The following ATRNL1 variants were observed in gnomAD, a reference collection of about 807,000 sequenced individuals.
The protein encoded by ATRNL1 is attractin-like protein 1.
In ATRNL1, 95 loss-of-function variants were observed where a neutral mutation model predicts 182.7. The ratio of observed to expected loss-of-function variants is 0.52; its 90% CI spans 0.44 to 0.62. The LOEUF is 0.62. Among genes scored for constraint, ATRNL1 ranks in the 20% least tolerant of loss-of-function variants. The pLI is 0.00. For synonymous variants in ATRNL1, 576 were observed against 568.3 expected, an observed-to-expected ratio of 1.01 and a Z score of -0.19; for missense variants, 1,471 against 1,679.5, an observed-to-expected ratio of 0.88 and a Z score of 2.17.
intron 19 of ATRNL1, among the ~76,000 whole-genome samples, chr10:115,389,303 G>A (rs947857807): frequency 3.0e-4 from 45 of 151,542 alleles, no homozygotes; most frequent in African/African-American, 9.7e-4. Context: ...TCAGAAGTTC[G>A]AGACCAGCCT....
At chr10:115,300,001 T>G in intron 15 of ATRNL1, 33 bp from the exon 16 acceptor site, 1 of 1,514,154 alleles carries the variant, frequency 6.6e-7, no homozygotes, top group Non-Finnish European at 9.1e-7. Context: ...ACATCTAACT[T>G]TCTTTGAATG....
intron 8 of ATRNL1, among the ~76,000 whole-genome samples, chr10:115,191,742 TCCTTCC>T (rs1222736964): frequency 7.9e-5 from 12 of 152,006 alleles, no homozygotes; most frequent in African/African-American, 1.9e-4. Flanking sequence ...GAAGGTGCCT[TCCTTCC>T]CCTTCCCCTT....
chr10:115,606,517 T>G (rs1420476958), intron 26 of ATRNL1, among the ~76,000 whole-genome samples: 3 of 152,062 alleles, frequency 2.0e-5, no homozygotes, highest in Non-Finnish European at 4.4e-5. Context: ...CAGTGCTTTT[T>G]GGGAAAATTT....
chr10:115,540,721 C>T (rs899502564), intron 25 of ATRNL1, among the ~76,000 whole-genome samples: 1 of 148,592 alleles, frequency 6.7e-6, no homozygotes, highest in African/African-American at 2.5e-5. Flanking sequence ...CATGCCATTG[C>T]ACTCCAGCCT....
chr10:115,203,061 G>C (rs1207396615), intron 8 of ATRNL1, among the ~76,000 whole-genome samples: 1 of 152,120 alleles, frequency 6.6e-6, no homozygotes, highest in Non-Finnish European at 1.5e-5. Flanking sequence ...TTGTATTTCT[G>C]TGGGATCGTT....
chr10:115,536,920 A>G (rs1277296474), intron 25 of ATRNL1, among the ~76,000 whole-genome samples: 2 of 152,234 alleles, frequency 1.3e-5, no homozygotes, highest in East Asian at 1.9e-4. Context: ...AAAGTTTTTT[A>G]AACAATGTGT....
At position 115,583,090 on chromosome 10, in the gene ATRNL1, G is replaced by A. The variant is rs1468505626; in HGVS notation, c.3795+33554G>A. Among the ~76,000 whole-genome samples, 80 of 150,298 alleles carry A rather than the reference G, an allele frequency of 5.3e-4. 2 individuals are homozygous for A. In the East Asian group the frequency reaches 0.014, roughly 26 times the overall value. ...GCATTATTTCTGAGGGCTCTGTTCT[G>A]TTCCATTGATCTATATCTCTGTTTT... On this transcript the variant is annotated intron_variant, in intron 26 of 28. Coordinates refer to ENST00000355044, the MANE Select transcript of ATRNL1 (RefSeq NM_207303.4).
At chr10:115,354,342 ATT>A (rs34363553) in intron 19 of ATRNL1, among the ~76,000 whole-genome samples, 1 of 150,570 alleles carries the variant, frequency 6.6e-6, no homozygotes, top group Non-Finnish European at 1.5e-5. Context: ...TCTCTTCAGC[ATT>A]TTTTTTTGTA....
chr10:115,133,863 C>T (rs1194806902), intron 5 of ATRNL1, among the ~76,000 whole-genome samples: 1 of 152,114 alleles, frequency 6.6e-6, no homozygotes, highest in Non-Finnish European at 1.5e-5. Context: ...GACCACAGTG[C>T]AATCAAACTA....
intron 5 of ATRNL1, 77 bp from the exon 6 acceptor site, chr10:115,159,963 C>G (rs1554882827): frequency 2.8e-6 from 3 of 1,078,968 alleles, no homozygotes; most frequent in Admixed American, 2.7e-5. Flanking sequence ...CTTAAATTCT[C>G]TTAATCCATA....
chr10:115,728,275 A>AC (rs1306863675), intron 27 of ATRNL1, among the ~76,000 whole-genome samples: 6 of 134,218 alleles, frequency 4.5e-5, no homozygotes, highest in Non-Finnish European at 9.3e-5. Context: ...AGCCTGGGCG[A>AC]CAGACAGAGT....
At chr10:115,574,937 A>G (rs1854619224) in intron 26 of ATRNL1, among the ~76,000 whole-genome samples, 1 of 152,228 alleles carries the variant, frequency 6.6e-6, no homozygotes, top group Non-Finnish European at 1.5e-5. Flanking sequence ...ATTGGTTGAG[A>G]TAATATTTCA....
chr10:115,807,725 T>C (rs1219962475), intron 27 of ATRNL1, among the ~76,000 whole-genome samples: 1 of 152,204 alleles, frequency 6.6e-6, no homozygotes, highest in East Asian at 1.9e-4. Context: ...AAGATAGAAT[T>C]AAGGCCTACT....
intron 27 of ATRNL1, among the ~76,000 whole-genome samples, chr10:115,761,839 T>A (rs1555073693): frequency 1.3e-5 from 2 of 152,136 alleles, no homozygotes. Flanking sequence ...GTGGTGAGAA[T>A]TAAATGAGCT....
chr10:115,703,928 G>T (rs1411222680), intron 26 of ATRNL1, among the ~76,000 whole-genome samples: 3 of 151,876 alleles, frequency 2.0e-5, no homozygotes, highest in African/African-American at 7.2e-5. Flanking sequence ...TGATTTTCAA[G>T]TCAGTGGGAA....
intron 5 of ATRNL1, among the ~76,000 whole-genome samples, chr10:115,158,938 G>C (rs1592187238): frequency 1.3e-5 from 2 of 151,672 alleles, no homozygotes; most frequent in African/African-American, 4.8e-5. Flanking sequence ...ACAAGTGAAG[G>C]GTAAATGATT....
intron 20 of ATRNL1, among the ~76,000 whole-genome samples, chr10:115,397,871 G>T (rs527649425): frequency 1.3e-5 from 2 of 152,054 alleles, no homozygotes; most frequent in East Asian, 3.9e-4. Flanking sequence ...AACCATTGGA[G>T]AACTGAGAAA....
intron 27 of ATRNL1, among the ~76,000 whole-genome samples, chr10:115,803,306 G>A (rs562100846): frequency 2.0e-5 from 3 of 151,524 alleles, no homozygotes; most frequent in Non-Finnish European, 4.4e-5. Flanking sequence ...ATTTTTAAGT[G>A]GTTTTTTTCC....
At position 115,277,605 on chromosome 10, in the gene ATRNL1, G is replaced by A. The variant is rs928369329; in HGVS notation, c.2101-3750G>A. 1.3e-4 allele frequency among the ~76,000 whole-genome samples: 20 copies of A among 151,186 alleles called. No homozygotes were observed. The Admixed American group carries it at 1.3e-3, about 10-fold the overall frequency. ...AACAAAACAAAAAGATTGAGGTGGG[G>A]GCTCAATGTTTAGCATTAAATCTTT... On this transcript the variant is annotated intron_variant, in intron 13 of 28. Transcript: ENST00000355044.
Sources: gnomAD v4.1 joint callset for allele counts (sites outside exome capture counted in the v4.1 genomes callset) on GRCh38, gnomAD v4.1.1 for gene constraint, MANE v1.5 for transcripts, NCBI Gene and HGNC (gene_info 2026-07-23, HGNC 2026-07-21) for gene names.